Variants in JAM2 observed in about 807,000 individuals in gnomAD.
JAM2 encodes junctional adhesion molecule 2.
In JAM2, 17 loss-of-function variants were observed where a neutral mutation model predicts 42.0. The ratio of observed to expected loss-of-function variants is 0.40; its 90% CI spans 0.28 to 0.61. JAM2 has a LOEUF of 0.61. JAM2 is among the 20% of genes least tolerant of loss of function. The pLI, the probability that JAM2 is intolerant of heterozygous loss-of-function variation, is 0.37. For missense variants in JAM2, 319 were observed against 358.3 expected (o/e 0.89, Z 0.89); for synonymous variants, 118 against 128.6 (o/e 0.92, Z 0.56).
chr21:25,686,731 A>G (rs1367084182), intron 2 of JAM2, among the ~76,000 whole-genome samples: 1 of 152,238 alleles, frequency 6.6e-6, no homozygotes, highest in African/African-American at 2.4e-5. Flanking sequence ...CTATTTTGGT[A>G]GTATCAATTC....
chr21:25,662,411 G>A (rs1350591976), intron 1 of JAM2, among the ~76,000 whole-genome samples: 1 of 147,786 alleles, frequency 6.8e-6, no homozygotes, highest in Non-Finnish European at 1.5e-5. Context: ...CAGCCTCCCA[G>A]AGTGCTAGGA....
At chr21:25,691,472 T>A (rs2033879727) in intron 3 of JAM2, among the ~76,000 whole-genome samples, 1 of 152,218 alleles carries the variant, frequency 6.6e-6, no homozygotes, top group African/African-American at 2.4e-5. Context: ...ATCTTCCCAC[T>A]CAGCCTTCCA....
At position 25,715,039 on chromosome 21, in the gene JAM2, G is replaced by C. The variant is rs1000536642; in HGVS notation, c.*367G>C. The C allele has an allele frequency of 1.2e-5, 2 of 162,918 alleles. No individual in the cohort carries two copies. The highest frequency in any genetic ancestry group is 4.8e-5 in the African/African-American group (2 of 41,920). 10.1% of individuals were successfully genotyped at this position (162,918 alleles called of 1,614,324 possible). ...TGAAAATATAAATCAGACTCTGCAC[G>C]AGAGTCTGATTTAGGGGGTCCAACA... is the stretch of plus-strand genomic sequence containing the variant. On this transcript the variant is annotated 3_prime_UTR_variant, in exon 10 of 10. Coordinates refer to ENST00000480456, the MANE Select transcript of JAM2 (RefSeq NM_021219.4).
chr21:25,681,709 A>G (rs1263910948), intron 1 of JAM2, among the ~76,000 whole-genome samples: 2 of 152,300 alleles, frequency 1.3e-5, no homozygotes, highest in African/African-American at 2.4e-5. Flanking sequence ...CTGGCCGGGC[A>G]CAGTGGCTCA....
At chr21:25,677,156 G>A (rs2033517427) in intron 1 of JAM2, among the ~76,000 whole-genome samples, 1 of 151,802 alleles carries the variant, frequency 6.6e-6, no homozygotes, top group South Asian at 2.1e-4. Flanking sequence ...ATATACCCAT[G>A]TAACAAAATT....
chr21:25,651,064 A>C (rs1350295825), intron 1 of JAM2, among the ~76,000 whole-genome samples: 1 of 82,536 alleles, frequency 1.2e-5, no homozygotes, highest in Non-Finnish European at 2.2e-5. Flanking sequence ...CCCCCGCCAA[A>C]AAAAAAAAAA....
In JAM2 at chr21:25,716,188, G is replaced by T. The variant is rs1054917887; in HGVS notation, c.*1516G>T. On this transcript the variant is annotated 3_prime_UTR_variant, in exon 10 of 10. Coordinates refer to ENST00000480456, the MANE Select transcript of JAM2 (RefSeq NM_021219.4). ...AATTTTTGTATTTTAGTAGAGAAGGGTTTCACCATGTTGGCCAGGCTGGTC... is the reference window on the plus strand; with the variant it reads ...AATTTTTGTATTTTAGTAGAGAAGGTTTTCACCATGTTGGCCAGGCTGGTC... The T allele has an allele frequency of 6.6e-6, 1 of 152,180 alleles. No homozygotes were observed. Among genetic ancestry groups the T allele is most frequent in the African/African-American group, 2.4e-5 (1 of 41,348 alleles). The allele number at this position is 152,180 out of a possible 1,614,324, so 9.4% of individuals were successfully genotyped here. A position where few individuals can be genotyped will look rare whatever the true frequency, so the allele number is the denominator to read the frequency against.
chr21:25,695,588 G>C (rs936063868), intron 4 of JAM2, among the ~76,000 whole-genome samples: 5 of 150,320 alleles, frequency 3.3e-5, no homozygotes, highest in African/African-American at 1.2e-4. Context: ...GGACGGGGCG[G>C]CGGCCGGGCA....
intron 2 of JAM2, among the ~76,000 whole-genome samples, chr21:25,688,391 T>C (rs2033802769): frequency 6.6e-6 from 1 of 152,184 alleles, no homozygotes; most frequent in Non-Finnish European, 1.5e-5. Context: ...AGGAATAGGC[T>C]AAAAATGAGT....
chr21:25,687,914 A>T (rs1201521261), intron 2 of JAM2, among the ~76,000 whole-genome samples: 1 of 152,140 alleles, frequency 6.6e-6, no homozygotes, highest in Non-Finnish European at 1.5e-5. Flanking sequence ...CATAACCCTC[A>T]TCAACTGCTA....
intron 6 of JAM2, among the ~76,000 whole-genome samples, chr21:25,704,829 G>T (rs1049497252): frequency 6.6e-6 from 1 of 152,130 alleles, no homozygotes; most frequent in Non-Finnish European, 1.5e-5. Context: ...TTACATAGTT[G>T]TTTCCTAAAC....
At chr21:25,657,809 A>C (rs779121378) in intron 1 of JAM2, among the ~76,000 whole-genome samples, 10 of 152,216 alleles carry the variant, frequency 6.6e-5, no homozygotes, top group Non-Finnish European at 1.5e-4. Context: ...TGTTATAATA[A>C]AATTATGTTA....
chr21:25,640,936 A>C (rs1451744621), intron 1 of JAM2, among the ~76,000 whole-genome samples: 1 of 152,182 alleles, frequency 6.6e-6, no homozygotes, highest in African/African-American at 2.4e-5. Context: ...GTCTAATACC[A>C]CAATACAATG....
intron 1 of JAM2, among the ~76,000 whole-genome samples, chr21:25,640,916 C>G (rs1265770370): frequency 3.3e-5 from 5 of 152,040 alleles, no homozygotes; most frequent in Non-Finnish European, 7.4e-5. Context: ...ACTTAACCTG[C>G]GGGACGAGTG....
intron 6 of JAM2, among the ~76,000 whole-genome samples, chr21:25,704,653 A>C (rs2034235043): frequency 6.6e-6 from 1 of 152,250 alleles, no homozygotes. Context: ...TAATAAATAC[A>C]TGGGAAGTAT....
At chr21:25,678,481 G>A (rs1195249910) in intron 1 of JAM2, among the ~76,000 whole-genome samples, 1 of 152,174 alleles carries the variant, frequency 6.6e-6, no homozygotes, top group East Asian at 1.9e-4. Context: ...TGTGATCAAA[G>A]TGTGTGGAAA....
chr21:25,712,123 C>T (rs1184615304), intron 8 of JAM2: 4 of 555,082 alleles, frequency 7.2e-6, no homozygotes, highest in Middle Eastern at 5.0e-4. Context: ...TTTACGTGCA[C>T]AAGGCTTCAC....
intron 1 of JAM2, among the ~76,000 whole-genome samples, chr21:25,678,947 G>C (rs1412702432): frequency 5.9e-5 from 9 of 152,164 alleles, no homozygotes; most frequent in Admixed American, 2.0e-4. Context: ...CTACAGGCAG[G>C]TGCTACCACA....
At chr21:25,689,671 G>A (rs2033833158) in intron 2 of JAM2, among the ~76,000 whole-genome samples, 195 bp from the exon 3 acceptor site, 2 of 152,214 alleles carry the variant, frequency 1.3e-5, no homozygotes, top group Admixed American at 1.3e-4. Flanking sequence ...AATAAGCACA[G>A]TGTCATACAG....
Sources: allele counts gnomAD v4.1 joint callset (sites outside exome capture counted in the v4.1 genomes callset), GRCh38; gene constraint gnomAD v4.1.1; transcripts MANE v1.5; gene names NCBI Gene and HGNC (gene_info 2026-07-23, HGNC 2026-07-21).